EED: variants seen among roughly 807,000 people sequenced by gnomAD.
The protein encoded by EED is embryonic ectoderm development.
Under a neutral mutation model 61.0 loss-of-function variants are expected in EED, and 9 were observed. That is an observed-to-expected ratio of 0.15 (90% CI 0.09 to 0.26). The LOEUF (loss-of-function observed/expected upper bound fraction) is 0.26. Ranked by LOEUF, EED falls within the 10% of genes least tolerant of loss-of-function variation. The probability of loss-of-function intolerance (pLI) is 1.00; values close to 1 mark genes in which losing one functional copy is unlikely to be tolerated. For synonymous variants in EED, 187 were observed against 174.4 expected (o/e 1.07, Z -0.57); for missense variants, 315 against 542.3 (o/e 0.58, Z 4.16).
At chr11:86,247,657 C>T (rs1945425397) in intron 1 of EED, among the ~76,000 whole-genome samples, 2 of 152,162 alleles carry the variant, frequency 1.3e-5, no homozygotes, top group African/African-American at 4.8e-5. Flanking sequence ...CACAAGCCTT[C>T]TGAATTTCAT....
In EED at chr11:86,245,190, C is replaced by T; in HGVS notation, c.-40C>T. The T allele has an allele frequency of 6.4e-7, 1 of 1,572,602 alleles. No individual in the cohort carries two copies. The highest frequency in any genetic ancestry group is 8.7e-7 in the Non-Finnish European group (1 of 1,149,696). On this transcript the variant is annotated 5_prime_UTR_variant, in exon 1 of 12. Coordinates refer to ENST00000263360, the MANE Select transcript of EED (RefSeq NM_003797.5). ...GCTTGACGGCGGTGTGGCGGAGGCC[C>T]CGCCCCAGGCGGCAGGAACCTGGAG...
chr11:86,285,684 G>A, the EED span, among the ~76,000 whole-genome samples: 17 of 151,828 alleles, frequency 1.1e-4, no homozygotes, highest in African/African-American at 3.6e-4. Flanking sequence ...TGCAACTTCC[G>A]CCTCCCAGTT....
downstream of EED, among the ~76,000 whole-genome samples, chr11:86,280,738 T>A (rs1946314274): frequency 6.6e-6 from 1 of 152,250 alleles, no homozygotes; most frequent in Admixed American, 6.5e-5. Context: ...TCCTTCACTT[T>A]GTTCCTCATC....
intron 9 of EED, among the ~76,000 whole-genome samples, chr11:86,275,752 A>G (rs939782677): frequency 1.3e-5 from 2 of 152,120 alleles, no homozygotes; most frequent in Non-Finnish European, 2.9e-5. Context: ...TTTTGAGAAA[A>G]CTCCACAGAC....
At chr11:86,268,352 C>G in intron 8 of EED, 104 bp from the exon 9 acceptor site, 1 of 686,000 alleles carries the variant, frequency 1.5e-6, no homozygotes, top group East Asian at 2.9e-5. Flanking sequence ...AATTAATAGT[C>G]TTACATTTTG....
At position 86,244,995 on chromosome 11, in the gene EED, A is replaced by C. The variant is rs375873470; in HGVS notation, c.-235A>C. Reference sequence around the variant, plus strand: ...GGGCAAGACGGGAGTTGGGGAAGGGAAGGAGCCAGGAAGCCGCGCGGGAGG... The same window carrying C: ...GGGCAAGACGGGAGTTGGGGAAGGGCAGGAGCCAGGAAGCCGCGCGGGAGG... On this transcript the variant is annotated 5_prime_UTR_variant, in exon 1 of 12. Coordinates refer to ENST00000263360, the MANE Select transcript of EED (RefSeq NM_003797.5). 3.2e-5 allele frequency: 14 copies of C among 431,278 alleles called. No individual in the cohort carries two copies. Among genetic ancestry groups the C allele is most frequent in the East Asian group, 2.1e-4 (5 of 23,504 alleles). 26.7% of individuals were successfully genotyped at this position (431,278 alleles called of 1,614,324 possible). A position where few individuals can be genotyped will look rare whatever the true frequency, so the allele number is the denominator to read the frequency against.
At chr11:86,282,107 G>A (rs1036374693), downstream of EED, among the ~76,000 whole-genome samples, 1 of 152,042 alleles carries the variant, frequency 6.6e-6, no homozygotes, top group East Asian at 1.9e-4. Flanking sequence ...AGATTGTTTC[G>A]AAGCACATCC....
the EED span, among the ~76,000 whole-genome samples, chr11:86,285,298 TA>T: frequency 6.6e-6 from 1 of 152,064 alleles, no homozygotes; most frequent in Non-Finnish European, 1.5e-5. Flanking sequence ...TGTGCACCTG[TA>T]GTCCCAGCTA....
intron 4 of EED, 142 bp downstream of exon 4, chr11:86,255,429 T>C: frequency 4.6e-6 from 3 of 654,972 alleles, no homozygotes; most frequent in Non-Finnish European, 7.5e-6. Context: ...AAGAGAATCC[T>C]GTATCTAGTT....
At chr11:86,250,266 A>G (rs1945496813) in intron 1 of EED, 30 bp from the exon 2 acceptor site, 1 of 1,469,044 alleles carries the variant, frequency 6.8e-7, no homozygotes, top group Non-Finnish European at 9.0e-7. Flanking sequence ...TTGCTGTTTC[A>G]TGTAATTTTT....
intron 7 of EED, 151 bp downstream of exon 7, chr11:86,264,414 T>G (rs1233910884): frequency 2.1e-5 from 11 of 523,386 alleles, no homozygotes; most frequent in Non-Finnish European, 3.8e-5. Context: ...AATCTCCAGA[T>G]GAAGGAATAA....
intron 5 of EED, 70 bp from the exon 6 acceptor site, chr11:86,257,445 C>A: frequency 8.4e-7 from 1 of 1,185,220 alleles, no homozygotes; most frequent in Non-Finnish European, 1.1e-6. Context: ...TTTACATTCT[C>A]TAAAGATTTA....
intron 2 of EED, 130 bp downstream of exon 2, chr11:86,250,578 GTT>G (rs35137499): frequency 9.2e-4 from 815 of 887,970 alleles, no homozygotes; most frequent in Middle Eastern, 1.6e-3. Context: ...TTTCTGAAGG[GTT>G]TTTTTTTTTG....
intron 6 of EED, 64 bp from the exon 7 acceptor site, chr11:86,264,108 A>C (rs1468856097): frequency 7.6e-7 from 1 of 1,320,864 alleles, no homozygotes; most frequent in African/African-American, 1.5e-5. Flanking sequence ...TTTTTCTTTC[A>C]CAAGATGTTG....
intron 6 of EED, among the ~76,000 whole-genome samples, chr11:86,259,687 A>G (rs1277399941): frequency 1.3e-5 from 2 of 152,234 alleles, no homozygotes; most frequent in African/African-American, 4.8e-5. Flanking sequence ...AAAATGGCCA[A>G]AAGTTCTGAA....
chr11:86,259,892 C>T (rs1009973595), intron 6 of EED, among the ~76,000 whole-genome samples: 5 of 152,186 alleles, frequency 3.3e-5, no homozygotes, highest in African/African-American at 1.2e-4. Flanking sequence ...CCCTCTCAGA[C>T]ACTGCTGGTG....
At chr11:86,266,002 C>T in intron 7 of EED, 81 bp from the exon 8 acceptor site, 1 of 1,218,890 alleles carries the variant, frequency 8.2e-7, no homozygotes, top group Non-Finnish European at 1.1e-6. Flanking sequence ...ACAGTTTTCA[C>T]TATGTTGCAC....
At position 86,245,204 on chromosome 11, in the gene EED, A is replaced by G. The variant is rs774895107; in HGVS notation, c.-26A>G. On this transcript the variant is annotated 5_prime_UTR_variant, in exon 1 of 12. Transcript: ENST00000263360. The stretch of plus-strand genomic sequence containing the variant: ...TGGCGGAGGCCCCGCCCCAGGCGGC[A>G]GGAACCTGGAGGGAGGCGGAGGAAT... The G allele has an allele frequency of 5.0e-6, 8 of 1,588,292 alleles. No individual in the cohort carries two copies. The highest frequency in any genetic ancestry group is 1.7e-5 in the Admixed American group (1 of 58,550).
chr11:86,256,517 G>A lies in EED; in HGVS notation c.552+5G>A. 6.5e-7 allele frequency: 1 copy of A among 1,546,548 alleles called. No individual in the cohort carries two copies. The highest frequency in any genetic ancestry group is 8.8e-7 in the Non-Finnish European group (1 of 1,141,254). ...ATAACAATGCAGTGTATAAAGGTGG[G>A]TTTTTCTGGTTAAATTGTAGATCTG... On this transcript the variant is annotated splice_donor_5th_base_variant and intron_variant, in intron 5 of 11. Transcript: ENST00000263360.
Sources: gnomAD v4.1 joint callset for allele counts (sites outside exome capture counted in the v4.1 genomes callset) on GRCh38, gnomAD v4.1.1 for gene constraint, MANE v1.5 for transcripts, NCBI Gene and HGNC (gene_info 2026-07-23, HGNC 2026-07-21) for gene names.